The following MBD5 variants were observed in gnomAD, a reference collection of about 807,000 sequenced individuals.
The protein encoded by MBD5 is methyl-CpG-binding domain protein 5.
MBD5 carries 13 observed loss-of-function variants against 117.3 expected under a neutral mutation model. The ratio of observed to expected loss-of-function variants is 0.11; its 90% CI spans 0.07 to 0.18. The LOEUF is 0.18. Ranked by LOEUF, MBD5 falls within the 10% of genes least tolerant of loss-of-function variation. The probability of loss-of-function intolerance (pLI) is 1.00; values close to 1 mark genes in which losing one functional copy is unlikely to be tolerated. For missense variants in MBD5, 1,879 were observed against 2,093.8 expected (o/e 0.90, Z 2.00); for synonymous variants, 727 against 766.4 (o/e 0.95, Z 0.85).
chr2:148,227,333 G>C (rs1452057177), intron 2 of MBD5, among the ~76,000 whole-genome samples: 1 of 152,110 alleles, frequency 6.6e-6, no homozygotes, highest in African/African-American at 2.4e-5. Context: ...TCTACATATG[G>C]CTAGCCAGTT....
intron 3 of MBD5, among the ~76,000 whole-genome samples, chr2:148,337,755 A>T (rs1488885808): frequency 6.6e-6 from 1 of 152,202 alleles, no homozygotes; most frequent in South Asian, 2.1e-4. Flanking sequence ...CAGATCTCCT[A>T]TTCTCAGACA....
chr2:148,339,472 TG>T (rs987200397), intron 3 of MBD5, among the ~76,000 whole-genome samples: 1 of 152,168 alleles, frequency 6.6e-6, no homozygotes, highest in Admixed American at 6.6e-5. Context: ...CATTTATTTC[TG>T]TATAAATAAG....
chr2:148,234,773 C>A (rs878934071), intron 3 of MBD5, among the ~76,000 whole-genome samples: 2 of 152,102 alleles, frequency 1.3e-5, no homozygotes, highest in Non-Finnish European at 1.5e-5. Flanking sequence ...GCAGAAAATT[C>A]TTTCTTATAA....
chr2:148,382,186 C>T (rs538020996), intron 4 of MBD5, among the ~76,000 whole-genome samples: 19 of 151,462 alleles, frequency 1.3e-4, no homozygotes, highest in African/African-American at 4.4e-4. Context: ...CAAGACCCAT[C>T]AGTGTGCTGT....
At chr2:148,129,140 C>G (rs1696975848) in intron 1 of MBD5, among the ~76,000 whole-genome samples, 1 of 152,114 alleles carries the variant, frequency 6.6e-6, no homozygotes, top group African/African-American at 2.4e-5. Context: ...CATTAGCAGT[C>G]TTGATCAAGA....
chr2:148,309,883 A>C (rs1248615805), intron 3 of MBD5, among the ~76,000 whole-genome samples: 3 of 152,114 alleles, frequency 2.0e-5, no homozygotes, highest in Non-Finnish European at 2.9e-5. Flanking sequence ...GTTGAATTTT[A>C]TCAAAGGCCT....
rs1698438035 is a variant in MBD5 at position 148,178,380 on chromosome 2, C to T, written c.-924-320C>T. Among the ~76,000 whole-genome samples the T allele has an allele frequency of 3.3e-5, 5 of 152,118 alleles. 1 individual carries two copies. The South Asian group carries it at 1.0e-3, about 31-fold the overall frequency. On this transcript the variant is annotated intron_variant, in intron 1 of 13. Transcript: ENST00000642680. ...AGAATGGGGCTCTGTTCATGCAGGA[C>T]ACCACAATTTATGTATTTTAAATCG... is the stretch of plus-strand genomic sequence containing the variant.
At chr2:148,419,060 C>A (rs1705514862) in intron 4 of MBD5, among the ~76,000 whole-genome samples, 1 of 151,998 alleles carries the variant, frequency 6.6e-6, no homozygotes. Flanking sequence ...GAATAGAGAA[C>A]CCAGAATTAA....
At chr2:148,038,927 A>G (rs1326244495) in intron 1 of MBD5, among the ~76,000 whole-genome samples, 1 of 152,134 alleles carries the variant, frequency 6.6e-6, no homozygotes. Context: ...AAGCACAATT[A>G]TAGGATCACA....
chr2:148,242,530 T>A (rs1574183098), intron 3 of MBD5, among the ~76,000 whole-genome samples: 2 of 152,184 alleles, frequency 1.3e-5, no homozygotes, highest in African/African-American at 2.4e-5. Context: ...GCCAGCCCAC[T>A]GTTAGGTCGC....
intron 3 of MBD5, among the ~76,000 whole-genome samples, chr2:148,340,745 A>T (rs1702922301): frequency 6.6e-6 from 1 of 151,896 alleles, no homozygotes; most frequent in Non-Finnish European, 1.5e-5. Context: ...TTGAGATGTT[A>T]ACAGACAAAA....
At chr2:148,474,250 C>T (rs1197757191) in intron 8 of MBD5, among the ~76,000 whole-genome samples, 8 of 152,136 alleles carry the variant, frequency 5.3e-5, no homozygotes, top group Non-Finnish European at 4.4e-5. Context: ...CTCTTTAATC[C>T]TCTGACTACT....
chr2:148,129,494 T>C (rs150120391), intron 1 of MBD5, among the ~76,000 whole-genome samples: 1 of 152,074 alleles, frequency 6.6e-6, no homozygotes, highest in African/African-American at 2.4e-5. Context: ...AGACTCCTTA[T>C]CAAAAAGAAA....
At chr2:148,381,778 G>C (rs1172164186) in intron 4 of MBD5, among the ~76,000 whole-genome samples, 1 of 152,164 alleles carries the variant, frequency 6.6e-6, no homozygotes, top group Non-Finnish European at 1.5e-5. Flanking sequence ...AACTCTACAA[G>C]CCAGAAGAGA....
intron 3 of MBD5, among the ~76,000 whole-genome samples, chr2:148,304,409 C>T (rs1195245883): frequency 6.6e-6 from 1 of 151,270 alleles, no homozygotes; most frequent in Non-Finnish European, 1.5e-5. Context: ...AACTGCTTCT[C>T]AATATAAAAA....
intron 1 of MBD5, among the ~76,000 whole-genome samples, chr2:148,115,887 G>A (rs1465083829): frequency 6.6e-6 from 1 of 151,988 alleles, no homozygotes; most frequent in Non-Finnish European, 1.5e-5. Context: ...CTGTCACCTA[G>A]GCTGGAGTGC....
intron 3 of MBD5, among the ~76,000 whole-genome samples, chr2:148,247,433 A>G (rs1236577603): frequency 4.6e-5 from 7 of 152,196 alleles, no homozygotes; most frequent in Admixed American, 3.9e-4. Flanking sequence ...GAATATTTTA[A>G]TCAGGCCATC....
At chr2:148,129,167 T>A (rs181803903) in intron 1 of MBD5, among the ~76,000 whole-genome samples, 4 of 152,224 alleles carry the variant, frequency 2.6e-5, no homozygotes, top group South Asian at 2.1e-4. Flanking sequence ...AACACAAAGA[T>A]GTCTGAGGGA....
At chr2:148,396,354 CA>C in intron 4 of MBD5, among the ~76,000 whole-genome samples, 1 of 152,350 alleles carries the variant, frequency 6.6e-6, no homozygotes, top group Admixed American at 6.5e-5. Context: ...CGGCTACAAG[CA>C]AAATTCCACT....
Sources: gnomAD v4.1 joint callset for allele counts (sites outside exome capture counted in the v4.1 genomes callset) on GRCh38, gnomAD v4.1.1 for gene constraint, MANE v1.5 for transcripts, NCBI Gene and HGNC (gene_info 2026-07-23, HGNC 2026-07-21) for gene names.